The following ERAP1 variants were observed in gnomAD, a reference collection of about 807,000 sequenced individuals.
ERAP1 encodes the protein adipocyte-derived leucine aminopeptidase.
A neutral mutation model predicts 103.7 loss-of-function variants in ERAP1; 86 were observed. The observed-to-expected ratio is 0.83, with a 90% CI of 0.70 to 0.99. ERAP1 has a LOEUF of 0.99. Among genes scored for constraint, ERAP1 ranks in the 50% least tolerant of loss-of-function variants. The probability of loss-of-function intolerance (pLI) is 0.00; values close to 1 mark genes in which losing one functional copy is unlikely to be tolerated. For synonymous variants in ERAP1, 398 were observed against 402.4 expected (o/e 0.99, Z 0.13); for missense variants, 1,009 against 1,128.4 (o/e 0.89, Z 1.52).
chr5:96,808,221 T>C (rs1368967572), upstream of ERAP1: 1 of 494,924 alleles, frequency 2.0e-6, no homozygotes, highest in African/African-American at 2.3e-5. Context: ...TGTGTGTGTG[T>C]GTGTGTGTGT....
At position 96,775,571 on chromosome 5, in the gene ERAP1, G is replaced by T. The variant is rs1334332302; in HGVS notation, c.*825C>A. 2.1e-6 allele frequency: 2 copies of T among 951,494 alleles called. No homozygotes were observed. Among genetic ancestry groups the T allele is most frequent in the East Asian group, 2.3e-4 (2 of 8,654 alleles). 58.9% of individuals were successfully genotyped at this position (951,494 alleles called of 1,614,324 possible). On this transcript the variant is annotated 3_prime_UTR_variant, in exon 19 of 19. Coordinates refer to ENST00000443439, the MANE Select transcript of ERAP1 (RefSeq NM_001040458.3). ...TTATCTGAGGAGGGTTCTATAAAAA[G>T]ATTTTTTGCAAAAGTGCGAGCACAT...
intron 3 of ERAP1, among the ~76,000 whole-genome samples, chr5:96,800,573 C>A (rs1279072487): frequency 2.0e-5 from 3 of 152,146 alleles, no homozygotes; most frequent in Non-Finnish European, 2.9e-5. Flanking sequence ...GTGAAGGGCA[C>A]TAATATTTAA....
rs1410121385 is a variant in ERAP1, at chr5:96,774,862, C to CAGA, written c.*1531_*1533dup. The stretch of plus-strand genomic sequence containing the variant: ...GTTTAATAAATGGCAGATTTATGTC[C>CAGA]AGAAGTCACTCTATTTTGTCGTGTA... On this transcript the variant is annotated 3_prime_UTR_variant, in exon 19 of 19. Transcript: ENST00000443439. The CAGA allele has an allele frequency of 8.1e-6, 8 of 985,224 alleles. No individual in the cohort carries two copies. The South Asian group carries it at 2.8e-4, about 35-fold the overall frequency. The allele number at this position is 985,224 out of a possible 1,614,324, so 61.0% of individuals were successfully genotyped here. A position where few individuals can be genotyped will look rare whatever the true frequency, so the allele number is the denominator to read the frequency against.
chr5:96,909,099 T>C, the ERAP1 span: 1 of 1,614,052 alleles, frequency 6.2e-7, no homozygotes, highest in South Asian at 1.1e-5. Context: ...ATATTTCAGA[T>C]ATCTCTGAAA....
chr5:96,877,690 C>T, the ERAP1 span, among the ~76,000 whole-genome samples: 3 of 152,114 alleles, frequency 2.0e-5, no homozygotes, highest in Admixed American at 6.5e-5. Context: ...AATCTGGGCA[C>T]TCTGATTCCA....
At chr5:96,889,593 G>A in the ERAP1 span, 1 of 667,464 alleles carries the variant, frequency 1.5e-6, no homozygotes, top group South Asian at 1.8e-5. Context: ...CTGGAGGCTG[G>A]GACGGAAGCC....
intron 18 of ERAP1, 141 bp from the exon 19 acceptor site, chr5:96,776,692 G>T: frequency 8.2e-7 from 1 of 1,222,130 alleles, no homozygotes; most frequent in South Asian, 1.5e-5. Context: ...ATAGGATTAT[G>T]TACACATAAG....
chr5:96,904,656 C>G, the ERAP1 span, among the ~76,000 whole-genome samples: 1 of 152,128 alleles, frequency 6.6e-6, no homozygotes, highest in Non-Finnish European at 1.5e-5. Context: ...TTTGCCTGCT[C>G]AAAGGAGAAG....
At chr5:96,927,641 C>T in the ERAP1 span, among the ~76,000 whole-genome samples, 26 of 152,270 alleles carry the variant, frequency 1.7e-4, no homozygotes, top group African/African-American at 3.4e-4. Flanking sequence ...CGCCCGCCAC[C>T]GCGCCTGGCT....
chr5:96,881,109 A>G, the ERAP1 span: 1 of 262,586 alleles, frequency 3.8e-6, no homozygotes, highest in Non-Finnish European at 7.6e-6. Context: ...GAAAGGGATC[A>G]GATCATGTGG....
the ERAP1 span, among the ~76,000 whole-genome samples, chr5:96,849,517 T>G: frequency 6.6e-6 from 1 of 152,182 alleles, no homozygotes; most frequent in Middle Eastern, 3.4e-3. Context: ...CCCTTTACGA[T>G]AGCATAAATA....
At chr5:96,883,719 T>G in the ERAP1 span, 2 of 1,472,762 alleles carry the variant, frequency 1.4e-6, no homozygotes, top group Admixed American at 2.2e-5. Context: ...ATAAGCTGTT[T>G]GCTGAATGTA....
chr5:96,832,991 C>T, the ERAP1 span, among the ~76,000 whole-genome samples: 1 of 152,164 alleles, frequency 6.6e-6, no homozygotes, highest in African/African-American at 2.4e-5. Context: ...GGGAGTAATC[C>T]TGCTCTCTTT....
intron 4 of ERAP1, among the ~76,000 whole-genome samples, chr5:96,796,600 T>C (rs1207746906): frequency 6.6e-6 from 1 of 152,138 alleles, no homozygotes; most frequent in Non-Finnish European, 1.5e-5. Flanking sequence ...AGGGCCAAGG[T>C]CAGAGAGTCA....
At chr5:96,782,642 C>T (rs533531643) in intron 15 of ERAP1, among the ~76,000 whole-genome samples, 2 of 152,284 alleles carry the variant, frequency 1.3e-5, no homozygotes, top group South Asian at 4.1e-4. Flanking sequence ...ATAGGGATTT[C>T]CAGATACGGT....
the ERAP1 span, among the ~76,000 whole-genome samples, chr5:96,925,911 CTTTTTTTTTTTT>C: frequency 9.5e-6 from 1 of 105,672 alleles, no homozygotes; most frequent in Non-Finnish European, 1.9e-5. Context: ...GTATAATTTG[CTTTTTTTTTTTT>C]TTTTTTTTTG....
At chr5:96,889,388 A>G in the ERAP1 span, 2 of 1,466,990 alleles carry the variant, frequency 1.4e-6, no homozygotes, top group Non-Finnish European at 1.9e-6. Context: ...TTTCTATGTG[A>G]TTTAAATGAG....
the ERAP1 span, among the ~76,000 whole-genome samples, chr5:96,870,671 C>T: frequency 1.3e-5 from 2 of 152,152 alleles, no homozygotes; most frequent in Non-Finnish European, 2.9e-5. Context: ...CACCACCAAG[C>T]TTTTTGCCTA....
In ERAP1 at chr5:96,803,504, G is replaced by A. The variant is rs369339055; in HGVS notation, c.423C>T (p.Val141=). 28 of 1,613,284 alleles carry A rather than the reference G, an allele frequency of 1.7e-5. No homozygotes were observed. Among genetic ancestry groups the A allele is most frequent in the South Asian group, 9.9e-5 (9 of 91,062 alleles). ...GAATGACAACTGTGTACGGGAGCCC[G>A]ACAAGGAGGGGCTCGGGAGCCAGCA... ...IALLAPEPLL[V]GLPYTVVIHY... The change falls in exon 2 of 19, where the codon GTC becomes GTT. Residue 141 remains valine (V), a synonymous_variant. Transcript: ENST00000443439.
Sources: gnomAD v4.1 joint callset for allele counts (sites outside exome capture counted in the v4.1 genomes callset) on GRCh38, gnomAD v4.1.1 for gene constraint, MANE v1.5 for transcripts, NCBI Gene and HGNC (gene_info 2026-07-23, HGNC 2026-07-21) for gene names.